NEB: variants seen among roughly 807,000 people sequenced by gnomAD.
The protein encoded by NEB is nemaline myopathy type 2.
NEB carries 512 observed loss-of-function variants against 952.2 expected under a neutral mutation model. That is an observed-to-expected ratio of 0.54 (90% CI 0.50 to 0.58). NEB has a LOEUF of 0.58. Among genes scored for constraint, NEB ranks in the 20% least tolerant of loss-of-function variants. The pLI is 0.00. For synonymous variants in NEB, 2,900 were observed against 3,149.8 expected (o/e 0.92, Z 2.66); for missense variants, 8,428 against 9,231.1 (o/e 0.91, Z 3.56).
In NEB at chr2:151,633,759, G is replaced by C; in HGVS notation, c.9309C>G (p.Thr3103=). ...LGVVLAKKCQ[T]LVSDVDYKNY... ...TCTTATAGTCCACGTCACTGACTAAGGTCTGGCACTTCTTGGCCAGCACCA... is the reference window on the plus strand; with the variant it reads ...TCTTATAGTCCACGTCACTGACTAACGTCTGGCACTTCTTGGCCAGCACCA... Residue 3103 remains threonine (T), a synonymous_variant, in exon 65 of 182, where the codon ACC becomes ACG. Coordinates refer to ENST00000397345, the MANE Select transcript of NEB (RefSeq NM_001164508.2). The C allele has an allele frequency of 6.2e-7, 1 of 1,613,940 alleles. No individual in the cohort carries two copies. The highest frequency in any genetic ancestry group is 8.5e-7 in the Non-Finnish European group (1 of 1,179,884).
At chr2:151,563,966 T>C in intron 117 of NEB, 36 bp from the exon 118 acceptor site, 2 of 1,421,162 alleles carry the variant, frequency 1.4e-6, no homozygotes, top group Non-Finnish European at 1.9e-6. Context: ...AAAAGTTTTC[T>C]TTCAACTTCT....
intron 77 of NEB, among the ~76,000 whole-genome samples, chr2:151,612,823 C>T (rs892262654): frequency 2.6e-5 from 4 of 152,120 alleles, no homozygotes; most frequent in African/African-American, 4.8e-5. Context: ...TGGTTGATCA[C>T]GTTGCATTAA....
chr2:151,726,009 A>G (rs10185966), intron 5 of NEB, among the ~76,000 whole-genome samples: 129,027 of 152,150 alleles, frequency 0.85, 55,682 homozygotes, highest in Middle Eastern at 0.94. Context: ...TTAATGGCAG[A>G]TCTGAATTAT....
chr2:151,560,505 G>A (rs2095965026), intron 124 of NEB, 87 bp downstream of exon 124: 5 of 1,029,946 alleles, frequency 4.9e-6, no homozygotes, highest in East Asian at 2.8e-5. Flanking sequence ...TCTGGACAAC[G>A]TATGAATCAG....
chr2:151,530,027 C>T (rs185876029), intron 145 of NEB, among the ~76,000 whole-genome samples: 99 of 152,298 alleles, frequency 6.5e-4, no homozygotes, highest in African/African-American at 2.3e-3. Flanking sequence ...GCAGTTATAG[C>T]TATTATCATA....
chr2:151,540,093 C>T (rs16830186), intron 138 of NEB, among the ~76,000 whole-genome samples: 6,784 of 152,162 alleles, frequency 0.045, 402 homozygotes, highest in East Asian at 0.19. Flanking sequence ...GAAAATGCTG[C>T]TGAAGAATTA....
At chr2:151,547,405 G>A in intron 133 of NEB, 24 bp downstream of exon 133, 1 of 1,545,610 alleles carries the variant, frequency 6.5e-7, no homozygotes, top group Non-Finnish European at 8.8e-7. Context: ...GACTACTCCA[G>A]AAAGACCCCT....
rs754761334 is a variant in NEB at position 151,646,233 on chromosome 2, C to A, written c.7433G>T (p.Arg2478Ile). Residue 2478 changes from arginine (R) to isoleucine (I), a missense_variant and splice_region_variant, in exon 55 of 182, where the codon AGA (arginine) becomes ATA (isoleucine). Physicochemically the swap from Arg to Ile is moderately conservative, Grantham distance 97 (BLOSUM62 -3). This residue lies in a region of NEB where 1,772 missense variants were observed against 1,960.3 expected (regional missense o/e 0.90). Coordinates refer to ENST00000397345, the MANE Select transcript of NEB (RefSeq NM_001164508.2). Reference protein sequence around the residue: ...AKTNAKNRSDRLYREAWDKDK... With the variant: ...AKTNAKNRSDILYREAWDKDK... Reference sequence around the variant, plus strand: ...TTTGTCCCAAGCTTCTCTATAAAGTCTCTAAAATAAGAAATAATAATTTTT... The same window carrying A: ...TTTGTCCCAAGCTTCTCTATAAAGTATCTAAAATAAGAAATAATAATTTTT... The A allele has an allele frequency of 6.4e-7, 1 of 1,573,426 alleles. No individual in the cohort carries two copies. The highest frequency in any genetic ancestry group is 8.7e-7 in the Non-Finnish European group (1 of 1,155,774).
intron 128 of NEB, among the ~76,000 whole-genome samples, 198 bp downstream of exon 128, chr2:151,552,474 C>T (rs929940002): frequency 2.6e-5 from 4 of 152,188 alleles, no homozygotes; most frequent in Admixed American, 6.5e-5. Flanking sequence ...CCTACAACTC[C>T]GCCCCAGCAA....
chr2:151,506,376 G>A, intron 163 of NEB, 118 bp from the exon 164 acceptor site: 1 of 746,810 alleles, frequency 1.3e-6, no homozygotes, highest in Non-Finnish European at 2.3e-6. Flanking sequence ...ATGTTCCCAG[G>A]CAAGTGCCAG....
chr2:151,491,841 C>A, intron 178 of NEB, 66 bp from the exon 179 acceptor site: 1 of 1,326,106 alleles, frequency 7.5e-7, no homozygotes. Flanking sequence ...AAAACCAAGG[C>A]ATGAATTTTA....
chr2:151,677,933 G>A lies in NEB; in HGVS notation c.3510C>T (p.Tyr1170=). Residue 1170 remains tyrosine, a synonymous_variant, in exon 33 of 182, where the codon TAC becomes TAT. Transcript: ENST00000397345. ...NYKHSLHHYT[Y]LPDAMDLELS... Reference sequence around the variant, plus strand: ...GCTCCAGGTCCATGGCGTCAGGCAAGTAGGTGTAATGATGGAGAGAATGCT... The same window carrying A: ...GCTCCAGGTCCATGGCGTCAGGCAAATAGGTGTAATGATGGAGAGAATGCT... 3 of 1,613,930 alleles carry A rather than the reference G, an allele frequency of 1.9e-6. No homozygotes were observed. The highest frequency in any genetic ancestry group is 2.5e-6 in the Non-Finnish European group (3 of 1,179,824).
chr2:151,630,960 T>C lies in NEB; in HGVS notation c.9619-141A>G, dbSNP rs988700572. The stretch of plus-strand genomic sequence containing the variant: ...AAGTATTCTACTGGAAGTGTGAGTC[T>C]TATTACTAGTTATCAAGATTGAAAC... On this transcript the variant is annotated intron_variant, in intron 66 of 181. Transcript: ENST00000397345. The C allele has an allele frequency of 1.7e-5, 20 of 1,146,200 alleles. No individual in the cohort carries two copies. In the African/African-American group the frequency reaches 3.0e-4, roughly 17 times the overall value. The allele number at this position is 1,146,200 out of a possible 1,614,324, so 71.0% of individuals were successfully genotyped here. A position where few individuals can be genotyped will look rare whatever the true frequency, so the allele number is the denominator to read the frequency against.
At chr2:151,724,792 A>G in intron 7 of NEB, 65 bp downstream of exon 7, 1 of 1,389,994 alleles carries the variant, frequency 7.2e-7, no homozygotes, top group Middle Eastern at 1.8e-4. Context: ...ATTTTCTCCT[A>G]TAAGACAATG....
At chr2:151,652,429 T>C (rs563239607) in intron 52 of NEB, among the ~76,000 whole-genome samples, 1 of 152,254 alleles carries the variant, frequency 6.6e-6, no homozygotes, top group South Asian at 2.1e-4. Flanking sequence ...CTCACTACGT[T>C]GCCCAGGCTG....
At chr2:151,505,906 T>C (rs2068496473) in intron 164 of NEB, 1 of 555,696 alleles carries the variant, frequency 1.8e-6, no homozygotes, top group South Asian at 2.3e-5. Flanking sequence ...TCCAGGAAGG[T>C]TGGTTCTTTG....
chr2:151,690,713 A>G lies in NEB; in HGVS notation c.2310+14T>C. On this transcript the variant is annotated intron_variant, in intron 24 of 181. Coordinates refer to ENST00000397345, the MANE Select transcript of NEB (RefSeq NM_001164508.2). ...CTCTGGGTCACCCACGCTTGCATAA[A>G]TCAAAGCACTTACATCACTAAGCTG... The G allele has an allele frequency of 1.3e-6, 2 of 1,564,898 alleles. No individual in the cohort carries two copies. The highest frequency in any genetic ancestry group is 1.2e-5 in the South Asian group (1 of 85,170).
chr2:151,675,903 T>C (rs192432310), intron 34 of NEB, among the ~76,000 whole-genome samples: 1 of 152,200 alleles, frequency 6.6e-6, no homozygotes, highest in Non-Finnish European at 1.5e-5. Context: ...AGGCTCACTA[T>C]TTCATATTTG....
chr2:151,492,296 A>C lies in NEB; in HGVS notation c.24874-15T>G. Reference sequence around the variant, plus strand: ...TGATATTTCACCTGAAATGTCATGAATTTGCTTTATGAAAATATGATGGTG... The same window carrying C: ...TGATATTTCACCTGAAATGTCATGACTTTGCTTTATGAAAATATGATGGTG... On this transcript the variant is annotated splice_polypyrimidine_tract_variant and intron_variant, in intron 177 of 181. Transcript: ENST00000397345. 1 of 1,606,326 alleles carries C rather than the reference A, an allele frequency of 6.2e-7. No individual in the cohort carries two copies. The highest frequency in any genetic ancestry group is 8.5e-7 in the Non-Finnish European group (1 of 1,175,008).
Sources: allele counts gnomAD v4.1 joint callset (sites outside exome capture counted in the v4.1 genomes callset), GRCh38; gene constraint gnomAD v4.1.1; regional missense constraint gnomAD v4.1.1; transcripts MANE v1.5; gene names NCBI Gene and HGNC (gene_info 2026-07-23, HGNC 2026-07-21).